The following CACNA2D1 variants were observed in gnomAD, a reference collection of about 807,000 sequenced individuals.
CACNA2D1 encodes the protein voltage-dependent calcium channel subunit alpha-2/delta-1.
A neutral mutation model predicts 171.5 loss-of-function variants in CACNA2D1; 53 were observed. The ratio of observed to expected loss-of-function variants is 0.31; its 90% CI spans 0.25 to 0.39. CACNA2D1 has a LOEUF of 0.39. CACNA2D1 is among the 10% of genes least tolerant of loss of function. The pLI is 1.00. For missense variants in CACNA2D1, 903 were observed against 1,299.8 expected (o/e 0.69, Z 4.69); for synonymous variants, 442 against 443.1 (o/e 1.00, Z 0.03).
At chr7:82,167,877 C>A (rs1207035050) in intron 4 of CACNA2D1, among the ~76,000 whole-genome samples, 1 of 152,040 alleles carries the variant, frequency 6.6e-6, no homozygotes, top group African/African-American at 2.4e-5. Flanking sequence ...CACATGGTGA[C>A]CACCATTTGC....
intron 3 of CACNA2D1, among the ~76,000 whole-genome samples, chr7:82,203,460 T>C (rs1471024036): frequency 6.6e-6 from 1 of 152,126 alleles, no homozygotes; most frequent in Non-Finnish European, 1.5e-5. Context: ...CCACCATATG[T>C]CATGGTCTTG....
At chr7:82,048,028 A>G (rs758576152) in intron 10 of CACNA2D1, among the ~76,000 whole-genome samples, 6 of 152,184 alleles carry the variant, frequency 3.9e-5, no homozygotes, top group Non-Finnish European at 8.8e-5. Flanking sequence ...GTAATTTCTC[A>G]TCTGTACACA....
chr7:82,354,061 C>G (rs1446243251), intron 1 of CACNA2D1, among the ~76,000 whole-genome samples: 1 of 152,052 alleles, frequency 6.6e-6, no homozygotes, highest in Non-Finnish European at 1.5e-5. Flanking sequence ...GGCGAGTGTC[C>G]TGCCCTATAC....
chr7:82,289,440 G>A (rs925325833), intron 3 of CACNA2D1, among the ~76,000 whole-genome samples: 3 of 152,174 alleles, frequency 2.0e-5, no homozygotes, highest in Non-Finnish European at 4.4e-5. Context: ...ACGTAAGTTT[G>A]CAGAGGCCTA....
At chr7:82,149,962 C>G (rs940114772) in intron 4 of CACNA2D1, among the ~76,000 whole-genome samples, 25 of 151,598 alleles carry the variant, frequency 1.6e-4, no homozygotes, top group Non-Finnish European at 2.7e-4. Context: ...GTGCGTGTCT[C>G]TGTGTGTGTA....
intron 9 of CACNA2D1, among the ~76,000 whole-genome samples, chr7:82,063,719 A>C (rs1181857575): frequency 6.6e-6 from 1 of 152,164 alleles, no homozygotes; most frequent in Non-Finnish European, 1.5e-5. Flanking sequence ...TTCAATTTCT[A>C]CATCTTCAAC....
chr7:82,169,734 T>C (rs531712744), intron 4 of CACNA2D1, among the ~76,000 whole-genome samples: 1 of 152,150 alleles, frequency 6.6e-6, no homozygotes, highest in Non-Finnish European at 1.5e-5. Flanking sequence ...GGCAGTTGTT[T>C]ACATCCCCAA....
chr7:82,006,443 C>T (rs1018361101), intron 16 of CACNA2D1, among the ~76,000 whole-genome samples: 5 of 151,902 alleles, frequency 3.3e-5, no homozygotes, highest in African/African-American at 1.2e-4. Flanking sequence ...TGGCAAACTG[C>T]TATCATAATC....
At chr7:82,164,868 T>G (rs1795279302) in intron 4 of CACNA2D1, among the ~76,000 whole-genome samples, 1 of 152,016 alleles carries the variant, frequency 6.6e-6, no homozygotes. Context: ...ACTCCCATTT[T>G]AATGCAAATA....
chr7:82,360,635 T>A lies in CACNA2D1; in HGVS notation c.96-10986A>T, dbSNP rs142697674. ...GGTGGAGAGACAGCCCTGATATGTT[T>A]ATGAACATAAAATATTCTAAAAGCA... is the stretch of plus-strand genomic sequence containing the variant. On this transcript the variant is annotated intron_variant, in intron 1 of 38. Transcript: ENST00000356860. 2.0e-4 allele frequency among the ~76,000 whole-genome samples: 31 copies of A among 152,324 alleles called. No homozygotes were observed. In the East Asian group the frequency reaches 6.0e-3, roughly 29 times the overall value.
chr7:82,378,590 C>A (rs995540561), intron 1 of CACNA2D1, among the ~76,000 whole-genome samples: 1 of 152,094 alleles, frequency 6.6e-6, no homozygotes, highest in Non-Finnish European at 1.5e-5. Flanking sequence ...TGCATTACAG[C>A]TATCTCTACA....
intron 8 of CACNA2D1, among the ~76,000 whole-genome samples, chr7:82,065,337 T>C (rs1317548708): frequency 6.6e-6 from 1 of 152,124 alleles, no homozygotes; most frequent in Non-Finnish European, 1.5e-5. Flanking sequence ...GCCTAGTATC[T>C]TAATGCTGGT....
chr7:82,012,064 A>C, intron 15 of CACNA2D1, 90 bp downstream of exon 15: 1 of 853,748 alleles, frequency 1.2e-6, no homozygotes, highest in East Asian at 2.4e-5. Flanking sequence ...TTTAATGAAA[A>C]GGAAAACAGA....
intron 3 of CACNA2D1, among the ~76,000 whole-genome samples, chr7:82,276,161 A>C (rs1342340161): frequency 6.6e-6 from 1 of 152,194 alleles, no homozygotes; most frequent in African/African-American, 2.4e-5. Flanking sequence ...CAATTAGATA[A>C]ACTTTATAGT....
At chr7:82,085,406 C>T (rs1810334075) in intron 6 of CACNA2D1, among the ~76,000 whole-genome samples, 1 of 151,858 alleles carries the variant, frequency 6.6e-6, no homozygotes, top group South Asian at 2.1e-4. Context: ...CCTTTTTATC[C>T]TCAGAGGTAG....
chr7:82,119,300 A>G (rs1003308906), intron 5 of CACNA2D1, among the ~76,000 whole-genome samples: 7 of 152,178 alleles, frequency 4.6e-5, no homozygotes, highest in African/African-American at 1.7e-4. Context: ...ATTCAAATGC[A>G]TTTGATAAAA....
intron 7 of CACNA2D1, among the ~76,000 whole-genome samples, chr7:82,079,948 T>C (rs1457455629): frequency 6.6e-6 from 1 of 151,978 alleles, no homozygotes; most frequent in Admixed American, 6.6e-5. Flanking sequence ...CATTCTACAA[T>C]ATGTGTGTGT....
intron 12 of CACNA2D1, among the ~76,000 whole-genome samples, chr7:82,032,348 C>A (rs976112539): frequency 6.6e-6 from 1 of 151,752 alleles, no homozygotes; most frequent in Non-Finnish European, 1.5e-5. Context: ...CTGTTGTAAA[C>A]TGCCTTTTTG....
chr7:82,261,344 T>A (rs1807077003), intron 3 of CACNA2D1, among the ~76,000 whole-genome samples: 1 of 152,198 alleles, frequency 6.6e-6, no homozygotes, highest in Admixed American at 6.5e-5. Context: ...TTTCCTCTCC[T>A]AAGTAGCACG....
Sources: gnomAD v4.1 joint callset for allele counts (sites outside exome capture counted in the v4.1 genomes callset) on GRCh38, gnomAD v4.1.1 for gene constraint, MANE v1.5 for transcripts, NCBI Gene and HGNC (gene_info 2026-07-23, HGNC 2026-07-21) for gene names.